SLC30A9: variants seen among roughly 807,000 people sequenced by gnomAD.
SLC30A9 encodes solute carrier family 30 member 9.
In SLC30A9, 58 loss-of-function variants were observed where a neutral mutation model predicts 87.5. That is an observed-to-expected ratio of 0.66 (90% CI 0.54 to 0.82). SLC30A9 has a LOEUF of 0.82. SLC30A9 is among the 40% of genes least tolerant of loss of function. The pLI, the probability that SLC30A9 is intolerant of heterozygous loss-of-function variation, is 0.00. For synonymous variants in SLC30A9, 234 were observed against 233.0 expected, an observed-to-expected ratio of 1.00 and a Z score of -0.04; for missense variants, 557 against 679.1, an observed-to-expected ratio of 0.82 and a Z score of 2.00.
At chr4:42,018,193 T>G in intron 3 of SLC30A9, 23 bp downstream of exon 3, 1 of 1,369,920 alleles carries the variant, frequency 7.3e-7, no homozygotes, top group Non-Finnish European at 1.0e-6. Context: ...TATCCTATTT[T>G]TGTATTATAA....
At chr4:42,048,205 A>T (rs1051529056) in intron 8 of SLC30A9, among the ~76,000 whole-genome samples, 7 of 152,172 alleles carry the variant, frequency 4.6e-5, no homozygotes, top group African/African-American at 1.7e-4. Flanking sequence ...CTGCACATAT[A>T]TCCCAAAACT....
intron 14 of SLC30A9, among the ~76,000 whole-genome samples, chr4:42,069,665 G>A (rs896224356): frequency 6.6e-6 from 1 of 152,170 alleles, no homozygotes; most frequent in Non-Finnish European, 1.5e-5. Context: ...AGTCATAAAA[G>A]CCATGTGTAA....
rs946952566 is a variant in SLC30A9, at chr4:42,089,966, G to A, written c.*3840G>A. On this transcript the variant is annotated 3_prime_UTR_variant, in exon 18 of 18. Coordinates refer to ENST00000264451, the MANE Select transcript of SLC30A9 (RefSeq NM_006345.4). ...AGTGTTACCTTATCTCATAATTTAG[G>A]TAATGATTTTTGCTAAAATGATAAC... is the stretch of plus-strand genomic sequence containing the variant. 1.3e-5 allele frequency: 2 copies of A among 152,162 alleles called. No homozygotes were observed. Among genetic ancestry groups the A allele is most frequent in the African/African-American group, 4.8e-5 (2 of 41,424 alleles). 9.4% of individuals were successfully genotyped at this position (152,162 alleles called of 1,614,324 possible). A position where few individuals can be genotyped will look rare whatever the true frequency, so the allele number is the denominator to read the frequency against.
chr4:41,997,346 T>C (rs73810463), intron 1 of SLC30A9, among the ~76,000 whole-genome samples: 5,868 of 152,080 alleles, frequency 0.039, 158 homozygotes, highest in Middle Eastern at 0.071. Context: ...AGTCAATCTG[T>C]TAATGGTAGA....
At chr4:42,039,635 G>A (rs1451242099) in intron 8 of SLC30A9, among the ~76,000 whole-genome samples, 1 of 151,884 alleles carries the variant, frequency 6.6e-6, no homozygotes, top group Non-Finnish European at 1.5e-5. Flanking sequence ...GCTAATTTTT[G>A]TATTTTTAGT....
At chr4:42,071,810 C>G (rs1718321661) in intron 15 of SLC30A9, among the ~76,000 whole-genome samples, 1 of 152,106 alleles carries the variant, frequency 6.6e-6, no homozygotes, top group African/African-American at 2.4e-5. Context: ...TAAGATAATA[C>G]TGGCTTCAGA....
rs573474098 is a variant in SLC30A9 at position 42,070,258 on chromosome 4, A to G, written c.1253-268A>G. The G allele has an allele frequency of 3.3e-5, 10 of 301,780 alleles. No individual in the cohort carries two copies. In the South Asian group the frequency reaches 1.1e-3, roughly 32 times the overall value. The allele number at this position is 301,780 out of a possible 1,614,324, so 18.7% of individuals were successfully genotyped here. A position where few individuals can be genotyped will look rare whatever the true frequency, so the allele number is the denominator to read the frequency against. On this transcript the variant is annotated intron_variant, in intron 14 of 17. Coordinates refer to ENST00000264451, the MANE Select transcript of SLC30A9 (RefSeq NM_006345.4). ...TTTTTTGTATTGGTGTCTCTAATCT[A>G]AATGTGCTCAGAAACTTCACATATG...
Position 42,006,232 on chromosome 4 carries a change from C to T in SLC30A9, c.274+4452C>T, listed in dbSNP as rs150541375. On this transcript the variant is annotated intron_variant, in intron 2 of 17. Transcript: ENST00000264451. ...TGGATTTTGGTATCTACAGGGAGGTCCTGGAACCAATCCCCAACAAATACT... is the reference window on the plus strand; with the variant it reads ...TGGATTTTGGTATCTACAGGGAGGTTCTGGAACCAATCCCCAACAAATACT... Among the ~76,000 whole-genome samples the T allele has an allele frequency of 5.1e-4, 78 of 152,144 alleles. No homozygotes were observed. In the East Asian group the frequency reaches 0.014, roughly 28 times the overall value.
chr4:42,005,467 C>T (rs1414320983), intron 2 of SLC30A9, among the ~76,000 whole-genome samples: 6 of 152,168 alleles, frequency 3.9e-5, no homozygotes, highest in Non-Finnish European at 2.9e-5. Context: ...TTGCTGTTCC[C>T]TTCTATGTGT....
intron 11 of SLC30A9, among the ~76,000 whole-genome samples, chr4:42,063,326 G>T (rs1717941305): frequency 6.6e-6 from 1 of 152,178 alleles, no homozygotes; most frequent in Admixed American, 6.5e-5. Flanking sequence ...TGTTGAACAA[G>T]ATCTCTGTAG....
chr4:42,018,055 T>C, intron 2 of SLC30A9, 56 bp from the exon 3 acceptor site: 1 of 949,248 alleles, frequency 1.1e-6, no homozygotes. Context: ...TTAATTAAGT[T>C]TATAGATTTA....
chr4:42,072,736 G>A (rs1199525221), intron 15 of SLC30A9, among the ~76,000 whole-genome samples: 1 of 151,036 alleles, frequency 6.6e-6, no homozygotes, highest in Non-Finnish European at 1.5e-5. Context: ...AGAGTGTTCT[G>A]TAGATGTTTG....
chr4:42,029,460 GA>G (rs1716331016), intron 6 of SLC30A9: 2 of 652,948 alleles, frequency 3.1e-6, no homozygotes, highest in Non-Finnish European at 5.8e-6. Context: ...AGATTTCTCA[GA>G]TCCAGCAGAC....
intron 17 of SLC30A9, among the ~76,000 whole-genome samples, chr4:42,083,511 T>C (rs1222065357): frequency 1.3e-5 from 2 of 152,190 alleles, no homozygotes; most frequent in Non-Finnish European, 2.9e-5. Flanking sequence ...TCAGCATATA[T>C]TGTGTGCTTT....
At chr4:42,014,687 A>T (rs930618959) in intron 2 of SLC30A9, among the ~76,000 whole-genome samples, 1 of 152,194 alleles carries the variant, frequency 6.6e-6, no homozygotes, top group African/African-American at 2.4e-5. Context: ...GATAAAGAAG[A>T]TATGGTCTAT....
At chr4:42,052,090 TA>T (rs757087800) in intron 9 of SLC30A9, among the ~76,000 whole-genome samples, 4 of 151,916 alleles carry the variant, frequency 2.6e-5, no homozygotes, top group African/African-American at 7.2e-5. Context: ...TATAGAAGGT[TA>T]ATATGAAGAA....
intron 2 of SLC30A9, among the ~76,000 whole-genome samples, chr4:42,013,398 C>T (rs1016209270): frequency 6.6e-6 from 1 of 152,268 alleles, no homozygotes; most frequent in Non-Finnish European, 1.5e-5. Flanking sequence ...CCCCTACCCA[C>T]CTTTGCTTTC....
At chr4:41,994,209 T>G (rs532518269) in intron 1 of SLC30A9, among the ~76,000 whole-genome samples, 26 of 152,268 alleles carry the variant, frequency 1.7e-4, no homozygotes, top group Middle Eastern at 3.4e-3. Flanking sequence ...AAAATACTCT[T>G]GTGTTATTAG....
rs1418101873 is a variant in SLC30A9, at chr4:42,078,263, C to T, written c.1600C>T (p.His534Tyr). 2 of 1,587,306 alleles carry T rather than the reference C, an allele frequency of 1.3e-6. No individual in the cohort carries two copies. Among genetic ancestry groups the T allele is most frequent in the South Asian group, 1.1e-5 (1 of 88,276 alleles). ...AGAACTAGAGACCTTTATGCTTAAACATGGAGAAAATATTATTGATACTTT... is the reference window on the plus strand; with the variant it reads ...AGAACTAGAGACCTTTATGCTTAAATATGGAGAAAATATTATTGATACTTT... ...PEELETFMLK[H>Y]GENIIDTLGA... Residue 534 changes from histidine (H) to tyrosine (Y), a missense_variant, in exon 17 of 18, where the codon CAT becomes TAT. Physicochemically the swap from His to Tyr is moderately conservative, Grantham distance 83. Around this residue, in one of 2 missense-constraint regions of SLC30A9, gnomAD observed 90 missense variants for 149.4 expected, o/e 0.60. Coordinates refer to ENST00000264451, the MANE Select transcript of SLC30A9 (RefSeq NM_006345.4).
Sources: allele counts gnomAD v4.1 joint callset (sites outside exome capture counted in the v4.1 genomes callset), GRCh38; gene constraint gnomAD v4.1.1; regional missense constraint gnomAD v4.1.1; transcripts MANE v1.5; gene names NCBI Gene and HGNC (gene_info 2026-07-23, HGNC 2026-07-21).